Variants in CTPS2 observed in about 807,000 individuals in gnomAD.
CTPS2 encodes the protein CTP synthase 2.
Under a neutral mutation model 46.8 loss-of-function variants are expected in CTPS2, and 19 were observed. The ratio of observed to expected loss-of-function variants is 0.41; its 90% CI spans 0.28 to 0.60. The LOEUF is 0.60. Ranked by LOEUF, CTPS2 falls within the 20% of genes least tolerant of loss-of-function variation. CTPS2 has a pLI of 0.35. For synonymous variants in CTPS2, 151 were observed against 165.2 expected, an observed-to-expected ratio of 0.91 and a Z score of 0.66; for missense variants, 286 against 447.6, an observed-to-expected ratio of 0.64 and a Z score of 3.26.
intron 13 of CTPS2, among the ~76,000 whole-genome samples, chrX:16,653,944 G>A (rs1051904049): frequency 3.6e-5 from 4 of 110,912 alleles, no homozygotes; most frequent in Non-Finnish European, 5.7e-5. Context: ...GATTACAGAA[G>A]GAGCCCTCCC....
chrX:16,680,414 G>A (rs906280836), intron 9 of CTPS2, among the ~76,000 whole-genome samples: 1 of 108,608 alleles, frequency 9.2e-6, no homozygotes, highest in Admixed American at 1.0e-4. Context: ...ACAAAATTAG[G>A]TGTGGTGGCG....
chrX:16,639,067 C>T, intron 14 of CTPS2, 80 bp downstream of exon 14: 3 of 775,036 alleles, frequency 3.9e-6, no homozygotes, highest in Non-Finnish European at 6.0e-6. Flanking sequence ...GGGGAGTCTC[C>T]ACCACCCAGA....
chrX:16,689,130 T>A (rs779405007), intron 8 of CTPS2, among the ~76,000 whole-genome samples: 4 of 111,656 alleles, frequency 3.6e-5, no homozygotes, highest in African/African-American at 1.3e-4. Context: ...AAAAAAATTT[T>A]AAATATTCAG....
chrX:16,671,932 C>A (rs1921787063), intron 10 of CTPS2, among the ~76,000 whole-genome samples: 1 of 111,016 alleles, frequency 9.0e-6, no homozygotes, highest in Admixed American at 9.6e-5. Flanking sequence ...GGTGCATATA[C>A]CCAGGTAAAG....
intron 8 of CTPS2, among the ~76,000 whole-genome samples, chrX:16,685,190 C>T (rs929117868): frequency 1.8e-5 from 2 of 112,046 alleles, no homozygotes; most frequent in Non-Finnish European, 1.9e-5. Flanking sequence ...CATTTGAGAA[C>T]AGCAGATTTG....
chrX:16,660,555 C>A (rs1932922956), intron 13 of CTPS2, among the ~76,000 whole-genome samples: 1 of 111,104 alleles, frequency 9.0e-6, no homozygotes, highest in South Asian at 3.8e-4. Flanking sequence ...GCACGTGCCA[C>A]CATGCGCAGC....
At chrX:16,675,820 T>G (rs769328173) in intron 10 of CTPS2, among the ~76,000 whole-genome samples, 1 of 112,187 alleles carries the variant, frequency 8.9e-6, no homozygotes, top group Non-Finnish European at 1.9e-5. Context: ...AGGACTCTCA[T>G]GGAGAGCTGA....
chrX:16,622,957 C>G (rs1310864563), intron 14 of CTPS2, among the ~76,000 whole-genome samples: 3 of 111,691 alleles, frequency 2.7e-5, no homozygotes, highest in African/African-American at 9.8e-5. Flanking sequence ...TTAAATAAAT[C>G]AAAATATGGG....
chrX:16,697,653 AG>A (rs1342208994), intron 4 of CTPS2, among the ~76,000 whole-genome samples: 1 of 109,052 alleles, frequency 9.2e-6, no homozygotes, highest in Non-Finnish European at 1.9e-5. Flanking sequence ...CATGTTGCCC[AG>A]GCTGTCTCAA....
chrX:16,625,664 G>A (rs1460396241), intron 14 of CTPS2, among the ~76,000 whole-genome samples: 1 of 111,559 alleles, frequency 9.0e-6, no homozygotes. Flanking sequence ...TGGGCTTGAA[G>A]GATGGTGAAT....
At chrX:16,629,875 T>TC (rs1332730297) in intron 14 of CTPS2, among the ~76,000 whole-genome samples, 1 of 112,509 alleles carries the variant, frequency 8.9e-6, no homozygotes, top group Non-Finnish European at 1.9e-5. Flanking sequence ...AAACACTTTT[T>TC]CCCTTACATT....
intron 17 of CTPS2, among the ~76,000 whole-genome samples, chrX:16,599,181 T>C (rs1929486579): frequency 8.9e-6 from 1 of 112,261 alleles, no homozygotes; most frequent in Admixed American, 9.4e-5. Context: ...TCACTCCTAT[T>C]CAACATAGTG....
chrX:16,691,604 G>A lies in CTPS2; in HGVS notation c.656C>T (p.Ser219Leu). The change falls in exon 7 of 19, where the codon TCA becomes TTA. Residue 219 changes from serine (S) to leucine (L), a missense_variant. Transcript: ENST00000359276. ...CTTCACGGCCATCTCAATGGGCGTT[G>A]AACTTCGGCAGACAATCTGTCAAAG... ...LSPDLIVCRSSTPIEMAVKEK... is the reference protein window; with the variant it reads ...LSPDLIVCRSLTPIEMAVKEK... The A allele has an allele frequency of 8.3e-7, 1 of 1,209,085 alleles. No homozygotes were observed. The highest frequency in any genetic ancestry group is 1.1e-6 in the Non-Finnish European group (1 of 893,021).
intron 14 of CTPS2, among the ~76,000 whole-genome samples, chrX:16,621,519 C>A (rs1242277720): frequency 2.7e-5 from 3 of 109,292 alleles, no homozygotes; most frequent in Non-Finnish European, 5.7e-5. Context: ...GCAGGATGGT[C>A]CAGGGACCAA....
chrX:16,681,041 C>T (rs1922703577), intron 9 of CTPS2, among the ~76,000 whole-genome samples: 2 of 111,347 alleles, frequency 1.8e-5, no homozygotes, highest in African/African-American at 6.5e-5. Context: ...CAAAAATTAG[C>T]TGGGCGTGGT....
chrX:16,599,579 C>T (rs1373538685), intron 17 of CTPS2, among the ~76,000 whole-genome samples: 4 of 106,631 alleles, frequency 3.8e-5, no homozygotes, highest in African/African-American at 6.9e-5. Context: ...TGGGTTCAAG[C>T]GATTCTCCTG....
chrX:16,626,571 G>A (rs1161387148), intron 14 of CTPS2, among the ~76,000 whole-genome samples: 1 of 111,293 alleles, frequency 9.0e-6, no homozygotes, highest in Non-Finnish European at 1.9e-5. Flanking sequence ...TTTATGTTAT[G>A]TATATTTTAC....
rs996143122 is a variant in CTPS2, at chrX:16,689,869, T to C, written c.721-268A>G. On this transcript the variant is annotated intron_variant, in intron 7 of 18. Transcript: ENST00000359276. ...GAGTTCGAGACCAGCCTGACCAACATGGTGAAACCCCACCTGTATTAAAAA... is the reference window on the plus strand; with the variant it reads ...GAGTTCGAGACCAGCCTGACCAACACGGTGAAACCCCACCTGTATTAAAAA... 6.3e-5 allele frequency among the ~76,000 whole-genome samples: 7 copies of C among 110,995 alleles called. No individual in the cohort carries two copies. The South Asian group carries it at 2.7e-3, about 42-fold the overall frequency.
chrX:16,671,499 ATTTTTCT>A (rs1436686546), intron 10 of CTPS2, among the ~76,000 whole-genome samples: 3 of 69,642 alleles, frequency 4.3e-5, no homozygotes, highest in African/African-American at 1.2e-4. Context: ...GTCCAGTAAC[ATTTTTCT>A]TTTTTTTTTT....
Sources: allele counts gnomAD v4.1 joint callset (sites outside exome capture counted in the v4.1 genomes callset), GRCh38; gene constraint gnomAD v4.1.1; transcripts MANE v1.5; gene names NCBI Gene and HGNC (gene_info 2026-07-23, HGNC 2026-07-21).